Variants in NKD1 observed in about 807,000 individuals in gnomAD.
The protein encoded by NKD1 is protein naked cuticle homolog 1.
In NKD1, 21 loss-of-function variants were observed where a neutral mutation model predicts 56.0. The observed-to-expected ratio is 0.38, with a 90% CI of 0.27 to 0.54. The LOEUF (loss-of-function observed/expected upper bound fraction) is 0.54, where lower values mean the gene tolerates loss of function less well. Ranked by LOEUF, NKD1 falls within the 20% of genes least tolerant of loss-of-function variation. The probability of loss-of-function intolerance (pLI) is 0.82; values close to 1 mark genes in which losing one functional copy is unlikely to be tolerated. For synonymous variants in NKD1, 263 were observed against 265.7 expected, an observed-to-expected ratio of 0.99 and a Z score of 0.10; for missense variants, 578 against 642.7, an observed-to-expected ratio of 0.90 and a Z score of 1.09.
chr16:50,587,719 C>T (rs547888666), intron 3 of NKD1, among the ~76,000 whole-genome samples: 2 of 152,310 alleles, frequency 1.3e-5, no homozygotes, highest in African/African-American at 4.8e-5. Flanking sequence ...GATCCCCAAA[C>T]CCTGGGCCAA....
At chr16:50,557,988 G>A (rs1393694173) in intron 3 of NKD1, 1 of 152,258 alleles carries the variant, frequency 6.6e-6, no homozygotes, top group Non-Finnish European at 1.5e-5. Context: ...TGAGAGGGGT[G>A]GGAACCGGGG....
At position 50,572,825 on chromosome 16, in the gene NKD1, AT is replaced by A. The variant is rs570184319; in HGVS notation, c.192+23271del. 735 of 947,996 alleles carry A rather than the reference AT, an allele frequency of 7.8e-4. 5 individuals are homozygous for A. In the African/African-American group the frequency reaches 0.012, roughly 16 times the overall value. The allele number at this position is 947,996 out of a possible 1,614,324, so 58.7% of individuals were successfully genotyped here. On this transcript the variant is annotated intron_variant, in intron 3 of 9. Transcript: ENST00000268459. ...AGCCAGTTTCTTTCAAGCCCAGGAG[AT>A]GTGGAGGTTAGAAAGAGTGCTGACC...
intron 3 of NKD1, among the ~76,000 whole-genome samples, chr16:50,573,195 G>A (rs980681290): frequency 9.2e-5 from 14 of 152,182 alleles, no homozygotes; most frequent in Admixed American, 3.9e-4. Context: ...CCATGGGAAG[G>A]TCTTTGTTAT....
chr16:50,603,505 A>AC (rs1961643427), intron 3 of NKD1, among the ~76,000 whole-genome samples: 1 of 152,202 alleles, frequency 6.6e-6, no homozygotes, highest in African/African-American at 2.4e-5. Context: ...GGCACATCCC[A>AC]ACCCTGTACA....
rs780273766 is a variant in NKD1, at chr16:50,633,482, G to A, written c.1114G>A (p.Gly372Arg). 6 of 1,609,390 alleles carry A rather than the reference G, an allele frequency of 3.7e-6. No homozygotes were observed. The East Asian group carries it at 8.9e-5, about 24-fold the overall frequency. Reference protein sequence around the residue: ...ARGARNKPPLGPAIPAVSPSA... With the variant: ...ARGARNKPPLRPAIPAVSPSA... ...AGGGGCAAGAAACAAGCCCCCTCTG[G>A]GACCCGCCATCCCTGCGGTGTCCCC... Residue 372 changes from glycine to arginine, a missense_variant, in exon 10 of 10, where the codon GGA becomes AGA. Physicochemically the swap from Gly to Arg is moderately radical, Grantham distance 125. Transcript: ENST00000268459. The surrounding 1 kb of genome is among the most constrained non-coding windows in gnomAD (Gnocchi z 4.9).
chr16:50,571,931 C>T (rs772977058), intron 3 of NKD1, among the ~76,000 whole-genome samples: 45 of 152,164 alleles, frequency 3.0e-4, no homozygotes, highest in Non-Finnish European at 5.3e-4. Flanking sequence ...GCTTCTCATC[C>T]CCGGCCGCCC....
chr16:50,553,727 T>G (rs1214509879), intron 3 of NKD1: 1 of 152,206 alleles, frequency 6.6e-6, no homozygotes, highest in East Asian at 1.9e-4. Context: ...AATTAAATAT[T>G]TGGTGTTTCA....
intron 4 of NKD1, among the ~76,000 whole-genome samples, chr16:50,615,713 A>G (rs1388848897): frequency 1.3e-5 from 2 of 152,212 alleles, no homozygotes; most frequent in Non-Finnish European, 2.9e-5. Flanking sequence ...CGGCATAATC[A>G]GTTTTGGTTT....
In NKD1 at chr16:50,645,221, GA is replaced by G. The variant is rs1380375907; in HGVS notation, c.*11441del. Reference sequence around the variant, plus strand: ...TTTAATCTAGTGTGGGGGACGGGGGGACTGCTTCCACCCAGAAACGACATTT... The same window carrying G: ...TTTAATCTAGTGTGGGGGACGGGGGGCTGCTTCCACCCAGAAACGACATTT... On this transcript the variant is annotated 3_prime_UTR_variant, in exon 10 of 10. Transcript: ENST00000268459. 6.6e-6 allele frequency: 1 copy of G among 152,270 alleles called. No individual in the cohort carries two copies. The highest frequency in any genetic ancestry group is 1.5e-5 in the Non-Finnish European group (1 of 68,118). 9.4% of individuals were successfully genotyped at this position (152,270 alleles called of 1,614,324 possible). A position where few individuals can be genotyped will look rare whatever the true frequency, so the allele number is the denominator to read the frequency against.
intron 4 of NKD1, among the ~76,000 whole-genome samples, chr16:50,617,346 G>C (rs192800759): frequency 6.7e-6 from 1 of 148,236 alleles, no homozygotes; most frequent in Admixed American, 6.6e-5. Context: ...TGATCTCAGC[G>C]GAGGAAAAAA....
At chr16:50,591,566 T>C (rs1357147040) in intron 3 of NKD1, among the ~76,000 whole-genome samples, 1 of 152,196 alleles carries the variant, frequency 6.6e-6, no homozygotes, top group Non-Finnish European at 1.5e-5. Flanking sequence ...GTAAAGTCTT[T>C]GGAGATACCC....
At chr16:50,566,251 C>T (rs1259612861) in intron 3 of NKD1, 6 of 857,918 alleles carry the variant, frequency 7.0e-6, no homozygotes, top group East Asian at 1.2e-4. Context: ...ACTTCAGTTA[C>T]AGCTGGATCC....
chr16:50,559,472 A>C (rs1960575319), intron 3 of NKD1, among the ~76,000 whole-genome samples: 1 of 151,962 alleles, frequency 6.6e-6, no homozygotes, highest in Admixed American at 6.6e-5. Flanking sequence ...AGAGGCATGC[A>C]GGGTTGGTGC....
chr16:50,577,627 A>G (rs1205369950), intron 3 of NKD1, among the ~76,000 whole-genome samples: 1 of 152,174 alleles, frequency 6.6e-6, no homozygotes, highest in East Asian at 1.9e-4. Flanking sequence ...ATCTTGCATA[A>G]CTGAAACTTT....
At chr16:50,601,513 A>C (rs1961596159) in intron 3 of NKD1, among the ~76,000 whole-genome samples, 1 of 152,194 alleles carries the variant, frequency 6.6e-6, no homozygotes, top group African/African-American at 2.4e-5. Flanking sequence ...CTCCTTCTGG[A>C]GAAGGCTGGG....
chr16:50,588,598 C>CTTTTTTTTTTTTTTTTTTT (rs574622414), intron 3 of NKD1, among the ~76,000 whole-genome samples: 4 of 94,652 alleles, frequency 4.2e-5, no homozygotes, highest in Admixed American at 1.2e-4. Flanking sequence ...TTTTCTTCTG[C>CTTTTTTTTTTTTTTTTTTT]TTTTTTTTTT....
At chr16:50,617,886 G>A (rs1467413859) in intron 4 of NKD1, among the ~76,000 whole-genome samples, 2 of 152,170 alleles carry the variant, frequency 1.3e-5, no homozygotes, top group Non-Finnish European at 2.9e-5. Flanking sequence ...CACATCTAAA[G>A]CAGCAATCAA....
At chr16:50,562,175 G>A (rs1462390173) in intron 3 of NKD1, 5 of 235,612 alleles carry the variant, frequency 2.1e-5, no homozygotes, top group East Asian at 1.8e-4. Context: ...AAAGCCCAGC[G>A]AGTAAGGGCC....
intron 4 of NKD1, among the ~76,000 whole-genome samples, chr16:50,618,188 C>T (rs546367944): frequency 6.6e-5 from 10 of 152,178 alleles, no homozygotes; most frequent in African/African-American, 2.4e-4. Context: ...TCCAAATGAG[C>T]AGTGTCTCCT....
Sources: allele counts gnomAD v4.1 joint callset (sites outside exome capture counted in the v4.1 genomes callset), GRCh38; gene constraint gnomAD v4.1.1; non-coding constraint Gnocchi (gnomAD v3.1); transcripts MANE v1.5; gene names NCBI Gene and HGNC (gene_info 2026-07-23, HGNC 2026-07-21).